Variants in PPP2R1B observed in about 807,000 individuals in gnomAD.
PPP2R1B encodes serine/threonine-protein phosphatase 2A 65 kDa regulatory subunit A beta isoform.
A neutral mutation model predicts 72.7 loss-of-function variants in PPP2R1B; 58 were observed. The ratio of observed to expected loss-of-function variants is 0.80; its 90% CI spans 0.65 to 0.99. PPP2R1B has a LOEUF of 0.99. Among genes scored for constraint, PPP2R1B ranks in the 50% least tolerant of loss-of-function variants. The probability of loss-of-function intolerance (pLI) is 0.00; values close to 1 mark genes in which losing one functional copy is unlikely to be tolerated. For synonymous variants in PPP2R1B, 256 were observed against 264.6 expected (o/e 0.97, Z 0.32); for missense variants, 695 against 733.6 (o/e 0.95, Z 0.61).
chr11:111,740,019 G>A lies in PPP2R1B; in HGVS notation c.*1577C>T, dbSNP rs1487902107. On this transcript the variant is annotated 3_prime_UTR_variant, in exon 15 of 15. Transcript: ENST00000527614. ...TGGTTTTATGTAACAAATATACAAA[G>A]TCTTAGAGGAGTCTTTGGGCCTTCA... 1.0e-6 allele frequency: 1 copy of A among 982,880 alleles called. No homozygotes were observed. Among genetic ancestry groups the A allele is most frequent in the Non-Finnish European group, 1.2e-6 (1 of 827,774 alleles). The allele number at this position is 982,880 out of a possible 1,614,324, so 60.9% of individuals were successfully genotyped here.
the PPP2R1B span, among the ~76,000 whole-genome samples, chr11:111,704,202 T>A: frequency 6.6e-6 from 1 of 152,174 alleles, no homozygotes; most frequent in Non-Finnish European, 1.5e-5. Context: ...TCTGTACTTG[T>A]CCATGAAGTG....
chr11:111,708,729 G>A, the PPP2R1B span, among the ~76,000 whole-genome samples: 1 of 152,024 alleles, frequency 6.6e-6, no homozygotes, highest in African/African-American at 2.4e-5. Flanking sequence ...GACCACAAGT[G>A]CATGCCACCA....
rs782465378 is a variant in PPP2R1B at position 111,754,983 on chromosome 11, T to C, written c.955A>G (p.Lys319Glu). The change falls in exon 7 of 15, where the codon AAA (lysine) becomes GAA (glutamate). Residue 319 changes from lysine (K) to glutamate (E), a missense_variant. By Grantham distance (56) the Lys-to-Glu change is moderately conservative (BLOSUM62 1). Coordinates refer to ENST00000527614, the MANE Select transcript of PPP2R1B (RefSeq NM_002716.5). ...EVRAAAAHKV[K>E]ELGENLPIED... Reference sequence around the variant, plus strand: ...AACATAAATTGAACTCCTTAACCTTTTACTTTGTGGGCAGCAGCTGCCCGG... The same window carrying C: ...AACATAAATTGAACTCCTTAACCTTCTACTTTGTGGGCAGCAGCTGCCCGG... 1 of 1,607,340 alleles carries C rather than the reference T, an allele frequency of 6.2e-7. No individual in the cohort carries two copies. Among genetic ancestry groups the C allele is most frequent in the Non-Finnish European group, 8.5e-7 (1 of 1,174,564 alleles).
chr11:111,723,749 C>G, downstream of PPP2R1B: 1 of 1,614,120 alleles, frequency 6.2e-7, no homozygotes. Context: ...GCAGCTTCAG[C>G]CCCTGCCCTC....
the PPP2R1B span, among the ~76,000 whole-genome samples, chr11:111,698,831 A>G: frequency 6.6e-6 from 1 of 152,236 alleles, no homozygotes; most frequent in Non-Finnish European, 1.5e-5. Context: ...TATTGTATGT[A>G]TTTCAGGATC....
At chr11:111,765,003 G>A (rs1945469436) in intron 2 of PPP2R1B, 98 bp from the exon 3 acceptor site, 2 of 1,518,094 alleles carry the variant, frequency 1.3e-6, no homozygotes. Flanking sequence ...CGACCAGGAA[G>A]GTGACCCAGT....
chr11:111,755,697 C>G (rs1591702170), intron 5 of PPP2R1B, among the ~76,000 whole-genome samples: 1 of 150,834 alleles, frequency 6.6e-6, no homozygotes, highest in East Asian at 2.0e-4. Context: ...TCAAGTGATT[C>G]TCCTGCCTCA....
At chr11:111,744,762 A>G (rs1413672368) in intron 11 of PPP2R1B, among the ~76,000 whole-genome samples, 1 of 152,222 alleles carries the variant, frequency 6.6e-6, no homozygotes, top group Non-Finnish European at 1.5e-5. Flanking sequence ...GAAATAGGCA[A>G]CTTCTTCTAT....
chr11:111,720,622 G>A, the PPP2R1B span: 63 of 1,613,874 alleles, frequency 3.9e-5, 1 homozygote, highest in South Asian at 1.9e-4. Context: ...CCTTCACCCC[G>A]CATGACATCT....
chr11:111,748,047 T>C (rs782747077), intron 10 of PPP2R1B, 33 bp from the exon 11 acceptor site: 17 of 1,587,370 alleles, frequency 1.1e-5, no homozygotes, highest in Non-Finnish European at 1.3e-5. Flanking sequence ...TAACATACAT[T>C]GCCAAAATTC....
rs562158440 is a variant in PPP2R1B, at chr11:111,755,028, T to C, written c.910A>G (p.Lys304Glu). ...DLIPAFQNLL[K>E]DCEAEVRAAA... ...GCCCGGACTTCAGCTTCACAGTCTT[T>C]AAGTAGGTTCTGAAAGGCGGGGATG... Residue 304 changes from lysine (K) to glutamate (E), a missense_variant, in exon 7 of 15, where the codon AAA becomes GAA. Coordinates refer to ENST00000527614, the MANE Select transcript of PPP2R1B (RefSeq NM_002716.5). The C allele has an allele frequency of 1.5e-4, 244 of 1,614,150 alleles. 2 individuals are homozygous for C. The South Asian group carries it at 2.6e-3, about 17-fold the overall frequency.
chr11:111,747,975 T>C lies in PPP2R1B; in HGVS notation c.1378A>G (p.Met460Val), dbSNP rs555421329. 6.8e-6 allele frequency: 11 copies of C among 1,613,466 alleles called. No homozygotes were observed. Among genetic ancestry groups the C allele is most frequent in the South Asian group, 2.2e-5 (2 of 91,072 alleles). The change falls in exon 11 of 15, where the codon ATG becomes GTG. Residue 460 changes from methionine (M) to valine (V), a missense_variant. Transcript: ENST00000527614. ...TCACCATGGTCCACGAGCCAAGCCA[T>C]ACATAAAGAATTCAGCTTTTCATCA... ...FFDEKLNSLCMAWLVDHVYAI... is the reference protein window; with the variant it reads ...FFDEKLNSLCVAWLVDHVYAI...
chr11:111,733,025 C>T (rs1013580200), downstream of PPP2R1B, among the ~76,000 whole-genome samples: 1 of 152,144 alleles, frequency 6.6e-6, no homozygotes, highest in African/African-American at 2.4e-5. Flanking sequence ...CTGACTGAGG[C>T]GAAGGGGCTG....
chr11:111,700,651 C>T, the PPP2R1B span, among the ~76,000 whole-genome samples: 30 of 152,280 alleles, frequency 2.0e-4, no homozygotes, highest in African/African-American at 6.0e-4. Context: ...CTCACTTACT[C>T]GCTTTGGGAA....
chr11:111,690,801 A>G, the PPP2R1B span, among the ~76,000 whole-genome samples: 1 of 151,984 alleles, frequency 6.6e-6, no homozygotes, highest in Non-Finnish European at 1.5e-5. Flanking sequence ...TTCTTTTTTT[A>G]TGTCTGCGTA....
downstream of PPP2R1B, among the ~76,000 whole-genome samples, chr11:111,733,995 G>A (rs969172722): frequency 1.3e-5 from 2 of 152,050 alleles, no homozygotes; most frequent in Admixed American, 6.5e-5. Flanking sequence ...GGCCCCTGGC[G>A]CCCTCTCAGC....
downstream of PPP2R1B, chr11:111,737,474 TG>T (rs1944371763): frequency 6.2e-7 from 1 of 1,614,122 alleles, no homozygotes; most frequent in African/African-American, 1.3e-5. Context: ...CCAGGCACTG[TG>T]GGTCTTGGGA....
chr11:111,708,775 A>G, the PPP2R1B span, among the ~76,000 whole-genome samples: 1 of 151,918 alleles, frequency 6.6e-6, no homozygotes, highest in Admixed American at 6.6e-5. Flanking sequence ...TTTTGTGGAG[A>G]TAGGGTCTTG....
the PPP2R1B span, among the ~76,000 whole-genome samples, chr11:111,694,981 A>C: frequency 1.9e-3 from 295 of 152,290 alleles, 4 homozygotes; most frequent in South Asian, 0.025. Flanking sequence ...TGGGAGAGTG[A>C]CTGATGTTTG....
Sources: allele counts gnomAD v4.1 joint callset (sites outside exome capture counted in the v4.1 genomes callset), GRCh38; gene constraint gnomAD v4.1.1; transcripts MANE v1.5; gene names NCBI Gene and HGNC (gene_info 2026-07-23, HGNC 2026-07-21).